The following DGKI variants were observed in gnomAD, a reference collection of about 807,000 sequenced individuals.
DGKI encodes diacylglycerol kinase iota, also known as DAG kinase iota.
Under a neutral mutation model 147.5 loss-of-function variants are expected in DGKI, and 55 were observed. That is an observed-to-expected ratio of 0.37 (90% CI 0.30 to 0.47). DGKI has a LOEUF of 0.47. DGKI is among the 20% of genes least tolerant of loss of function. The probability of loss-of-function intolerance (pLI) is 1.00; values close to 1 mark genes in which losing one functional copy is unlikely to be tolerated. For missense variants in DGKI, 1,007 were observed against 1,323.8 expected (o/e 0.76, Z 3.71); for synonymous variants, 469 against 477.1 (o/e 0.98, Z 0.22).
At chr7:137,831,488 C>A (rs1023876242) in intron 1 of DGKI, among the ~76,000 whole-genome samples, 1 of 152,182 alleles carries the variant, frequency 6.6e-6, no homozygotes, top group African/African-American at 2.4e-5. Context: ...GTGTGGAAAA[C>A]TCCCCCTTAT....
At chr7:137,460,354 AAC>A (rs1221779699) in intron 27 of DGKI, among the ~76,000 whole-genome samples, 2 of 152,244 alleles carry the variant, frequency 1.3e-5, no homozygotes, top group Non-Finnish European at 2.9e-5. Context: ...GAAATAGAGA[AAC>A]AATTTATAGC....
At chr7:137,804,986 G>A (rs747313461) in intron 1 of DGKI, among the ~76,000 whole-genome samples, 2 of 152,144 alleles carry the variant, frequency 1.3e-5, no homozygotes, top group Non-Finnish European at 2.9e-5. Flanking sequence ...AGTAAGTTAA[G>A]AGAAACCCCA....
chr7:137,666,033 T>G (rs2116322673), intron 3 of DGKI, among the ~76,000 whole-genome samples: 1 of 152,324 alleles, frequency 6.6e-6, no homozygotes, highest in East Asian at 1.9e-4. Flanking sequence ...ATCCATCGTG[T>G]TTTGAGCACT....
chr7:137,794,557 A>G (rs906659042), intron 1 of DGKI, among the ~76,000 whole-genome samples: 6 of 152,230 alleles, frequency 3.9e-5, no homozygotes, highest in Non-Finnish European at 2.9e-5. Context: ...GAAGATTCTA[A>G]CTTACTAAAG....
chr7:137,567,828 C>T (rs970963885), intron 19 of DGKI, among the ~76,000 whole-genome samples: 3 of 151,846 alleles, frequency 2.0e-5, no homozygotes, highest in African/African-American at 7.3e-5. Flanking sequence ...TTTAAAAGTC[C>T]ATTTCGAATT....
At chr7:137,429,260 C>T (rs1445675505) in intron 28 of DGKI, among the ~76,000 whole-genome samples, 5 of 151,136 alleles carry the variant, frequency 3.3e-5, no homozygotes, top group Admixed American at 2.6e-4. Flanking sequence ...ATATCTACAA[C>T]TATCTGATCT....
chr7:137,751,680 G>A (rs988353271), intron 1 of DGKI, among the ~76,000 whole-genome samples: 1 of 152,150 alleles, frequency 6.6e-6, no homozygotes. Context: ...TGTATCGAAA[G>A]GCCAAATACT....
At position 137,390,397 on chromosome 7, in the gene DGKI, A is replaced by C. The variant is rs1811314739; in HGVS notation, c.*823T>G. 1 of 152,646 alleles carries C rather than the reference A, an allele frequency of 6.6e-6. No individual in the cohort carries two copies. The highest frequency in any genetic ancestry group is 1.5e-5 in the Non-Finnish European group (1 of 68,052). 9.5% of individuals were successfully genotyped at this position (152,646 alleles called of 1,614,324 possible). On this transcript the variant is annotated 3_prime_UTR_variant, in exon 33 of 33. Coordinates refer to ENST00000614521, the MANE Select transcript of DGKI (RefSeq NM_001321708.2). ...TCATCTTCTATTGCAGCAAAAGGCAAAGATGGCTACACATAGGCAGTACGG... is the reference window on the plus strand; with the variant it reads ...TCATCTTCTATTGCAGCAAAAGGCACAGATGGCTACACATAGGCAGTACGG...
chr7:137,628,398 T>G lies in DGKI; in HGVS notation c.805-4844A>C, dbSNP rs569527322. Among the ~76,000 whole-genome samples the G allele has an allele frequency of 2.0e-5, 3 of 152,304 alleles. No individual in the cohort carries two copies. In the East Asian group the frequency reaches 5.8e-4, roughly 29 times the overall value. On this transcript the variant is annotated intron_variant, in intron 6 of 32. Transcript: ENST00000614521. ...TGGCAGACTCACAGCAACCATAGCT[T>G]CGGGCTTATCATCTAACACAGAGAC...
intron 5 of DGKI, among the ~76,000 whole-genome samples, chr7:137,651,072 A>C (rs1295495458): frequency 6.6e-6 from 1 of 152,242 alleles, no homozygotes; most frequent in East Asian, 1.9e-4. Flanking sequence ...TATGGAAACC[A>C]CTGGAGAGTT....
chr7:137,638,547 T>TACACATATATAC (rs1821463171), intron 6 of DGKI, among the ~76,000 whole-genome samples: 1 of 117,956 alleles, frequency 8.5e-6, no homozygotes, highest in Non-Finnish European at 1.7e-5. Context: ...TATGTATATA[T>TACACATATATAC]ATGTGTGTAT....
At chr7:137,643,231 C>T (rs1164369983) in intron 6 of DGKI, among the ~76,000 whole-genome samples, 1 of 130,372 alleles carries the variant, frequency 7.7e-6, no homozygotes, top group Non-Finnish European at 1.5e-5. Flanking sequence ...GCGGAGCTTG[C>T]AGTGAGTGGA....
At chr7:137,639,894 C>T (rs10275097) in intron 6 of DGKI, among the ~76,000 whole-genome samples, 16,655 of 152,024 alleles carry the variant, frequency 0.11, 2,882 homozygotes, top group African/African-American at 0.37. Context: ...ACTTCATGTA[C>T]ACAACTTGAT....
intron 17 of DGKI, among the ~76,000 whole-genome samples, chr7:137,573,465 C>T (rs1483903651): frequency 1.3e-5 from 2 of 152,206 alleles, no homozygotes; most frequent in South Asian, 4.1e-4. Flanking sequence ...AGTGCAATGG[C>T]GTGATCTCAG....
At chr7:137,688,426 C>T (rs1024116541) in intron 2 of DGKI, among the ~76,000 whole-genome samples, 5 of 152,162 alleles carry the variant, frequency 3.3e-5, no homozygotes, top group Admixed American at 3.3e-4. Context: ...TGAAATAGGG[C>T]CATGATTATC....
At chr7:137,628,569 T>G (rs986911639) in intron 6 of DGKI, among the ~76,000 whole-genome samples, 1 of 152,210 alleles carries the variant, frequency 6.6e-6, no homozygotes, top group Admixed American at 6.5e-5. Flanking sequence ...TCTGCTAATA[T>G]GGTACTGACA....
At chr7:137,742,920 C>T (rs771591837) in intron 1 of DGKI, among the ~76,000 whole-genome samples, 6 of 152,094 alleles carry the variant, frequency 3.9e-5, no homozygotes, top group Non-Finnish European at 7.4e-5. Context: ...CTAGTGGGAA[C>T]TGGGCTTTAA....
At chr7:137,530,736 T>C (rs542210257) in intron 20 of DGKI, among the ~76,000 whole-genome samples, 7 of 152,314 alleles carry the variant, frequency 4.6e-5, no homozygotes, top group African/African-American at 1.4e-4. Flanking sequence ...GCCAGAATCA[T>C]TGGCCTGAAT....
intron 1 of DGKI, among the ~76,000 whole-genome samples, chr7:137,711,684 CTTTTTT>C (rs71177918): frequency 1.3e-5 from 1 of 79,726 alleles, no homozygotes; most frequent in South Asian, 7.2e-4. Flanking sequence ...GGGATACCAA[CTTTTTT>C]TTTTTTTTTT....
Sources: allele counts gnomAD v4.1 joint callset (sites outside exome capture counted in the v4.1 genomes callset), GRCh38; gene constraint gnomAD v4.1.1; transcripts MANE v1.5; gene names NCBI Gene and HGNC (gene_info 2026-07-23, HGNC 2026-07-21).